NR3C2: variants seen among roughly 807,000 people sequenced by gnomAD.
NR3C2 encodes mineralocorticoid receptor.
In NR3C2, 15 loss-of-function variants were observed where a neutral mutation model predicts 86.4. The observed-to-expected ratio is 0.17, with a 90% CI of 0.12 to 0.27. The LOEUF (loss-of-function observed/expected upper bound fraction) is 0.27, where lower values mean the gene tolerates loss of function less well. Ranked by LOEUF, NR3C2 falls within the 10% of genes least tolerant of loss-of-function variation. NR3C2 has a pLI of 1.00. For missense variants in NR3C2, 960 were observed against 1,195.6 expected, an observed-to-expected ratio of 0.80 and a Z score of 2.91; for synonymous variants, 458 against 450.5, an observed-to-expected ratio of 1.02 and a Z score of -0.21.
At chr4:148,439,767 G>A (rs964498483) in intron 1 of NR3C2, among the ~76,000 whole-genome samples, 15 of 152,302 alleles carry the variant, frequency 9.8e-5, no homozygotes, top group African/African-American at 3.6e-4. Flanking sequence ...CATCTACTAA[G>A]ATTCTGCACT....
chr4:148,157,266 T>A (rs971406501), intron 4 of NR3C2, among the ~76,000 whole-genome samples: 1 of 151,804 alleles, frequency 6.6e-6, no homozygotes, highest in Non-Finnish European at 1.5e-5. Flanking sequence ...GTAACTAACC[T>A]GCACATTGTG....
intron 3 of NR3C2, among the ~76,000 whole-genome samples, chr4:148,255,052 T>G (rs1433499764): frequency 8.7e-6 from 1 of 115,492 alleles, no homozygotes; most frequent in African/African-American, 3.4e-5. Flanking sequence ...GTTCTCTGTT[T>G]TGTGGCACAA....
At chr4:148,191,634 G>T (rs377744083) in intron 4 of NR3C2, among the ~76,000 whole-genome samples, 136 of 152,224 alleles carry the variant, frequency 8.9e-4, no homozygotes, top group African/African-American at 3.1e-3. Flanking sequence ...CTTACGTTTG[G>T]CTATTTAACT....
intron 6 of NR3C2, among the ~76,000 whole-genome samples, chr4:148,142,088 A>C (rs945198055): frequency 6.6e-6 from 1 of 152,204 alleles, no homozygotes; most frequent in Non-Finnish European, 1.5e-5. Context: ...GACCTAGGAA[A>C]GAGAAAGGTT....
intron 6 of NR3C2, among the ~76,000 whole-genome samples, chr4:148,123,704 G>A (rs546002273): frequency 6.6e-6 from 1 of 152,290 alleles, no homozygotes; most frequent in South Asian, 2.1e-4. Flanking sequence ...ACTGGGGGCG[G>A]GTTCCCCCGA....
chr4:148,199,888 A>C (rs1736631596), intron 3 of NR3C2, among the ~76,000 whole-genome samples: 1 of 152,354 alleles, frequency 6.6e-6, no homozygotes, highest in Non-Finnish European at 1.5e-5. Flanking sequence ...TTAAAAGTTA[A>C]AAAAAGATAT....
chr4:148,257,056 C>T (rs1266487970), intron 3 of NR3C2, among the ~76,000 whole-genome samples: 2 of 152,074 alleles, frequency 1.3e-5, no homozygotes, highest in East Asian at 1.9e-4. Flanking sequence ...CTCTTGTCTG[C>T]TCTCTAGGGA....
intron 3 of NR3C2, among the ~76,000 whole-genome samples, chr4:148,195,760 G>A (rs1560971957): frequency 6.6e-6 from 1 of 152,190 alleles, no homozygotes; most frequent in Non-Finnish European, 1.5e-5. Flanking sequence ...AGAGGAAGGT[G>A]AGGGCTGATT....
intron 2 of NR3C2, among the ~76,000 whole-genome samples, chr4:148,317,964 C>T (rs1313252365): frequency 8.0e-5 from 12 of 150,724 alleles, no homozygotes; most frequent in East Asian, 2.0e-4. Flanking sequence ...CATGCTGGTG[C>T]GCTGCACCCA....
At chr4:148,209,296 C>CA (rs1737166536) in intron 3 of NR3C2, among the ~76,000 whole-genome samples, 1 of 151,966 alleles carries the variant, frequency 6.6e-6, no homozygotes, top group African/African-American at 2.4e-5. Flanking sequence ...AACAGGGTCT[C>CA]ATTCTGTTGC....
At chr4:148,294,352 G>A (rs1196836173) in intron 2 of NR3C2, among the ~76,000 whole-genome samples, 1 of 151,952 alleles carries the variant, frequency 6.6e-6, no homozygotes, top group Non-Finnish European at 1.5e-5. Context: ...AGTACTACAT[G>A]GTAGTTCCAT....
At chr4:148,373,693 G>C (rs976765470) in intron 2 of NR3C2, among the ~76,000 whole-genome samples, 1 of 151,844 alleles carries the variant, frequency 6.6e-6, no homozygotes, top group Non-Finnish European at 1.5e-5. Context: ...GGCCAGGATG[G>C]TCTCCATCTC....
chr4:148,412,169 G>A (rs954305025), intron 2 of NR3C2, among the ~76,000 whole-genome samples: 1 of 152,034 alleles, frequency 6.6e-6, no homozygotes, highest in Admixed American at 6.6e-5. Flanking sequence ...ACTGAGACTC[G>A]GTGAACACAA....
intron 8 of NR3C2, among the ~76,000 whole-genome samples, chr4:148,082,672 T>TTTTG (rs1361553471): frequency 1.3e-5 from 2 of 149,622 alleles, no homozygotes; most frequent in Non-Finnish European, 3.0e-5. Flanking sequence ...GCAGTTTTTT[T>TTTTG]TTTTTTTTTT....
chr4:148,409,779 C>A (rs147969851), intron 2 of NR3C2, among the ~76,000 whole-genome samples: 1 of 152,038 alleles, frequency 6.6e-6, no homozygotes, highest in South Asian at 2.1e-4. Context: ...AATAAGTTCA[C>A]GGTACAATGT....
intron 2 of NR3C2, among the ~76,000 whole-genome samples, chr4:148,272,220 T>C (rs965382149): frequency 7.9e-5 from 12 of 152,172 alleles, no homozygotes; most frequent in Non-Finnish European, 1.5e-5. Flanking sequence ...GGAATATTAA[T>C]ATATACATTA....
upstream of NR3C2, chr4:148,445,092 C>G (rs1259646352): frequency 4.1e-6 from 3 of 731,002 alleles, no homozygotes; most frequent in South Asian, 1.8e-4. Context: ...CGCCGGCAGC[C>G]GCCCTCCCAC....
chr4:148,385,327 G>A (rs757644181), intron 2 of NR3C2, among the ~76,000 whole-genome samples: 2 of 152,092 alleles, frequency 1.3e-5, no homozygotes, highest in African/African-American at 2.4e-5. Flanking sequence ...AGACCTTCAA[G>A]GTCAACCCTG....
At chr4:148,314,657 T>G (rs1437529656) in intron 2 of NR3C2, among the ~76,000 whole-genome samples, 1 of 152,154 alleles carries the variant, frequency 6.6e-6, no homozygotes, top group Non-Finnish European at 1.5e-5. Context: ...AAGGATAACT[T>G]CACTTGAAGT....
Sources: allele counts gnomAD v4.1 joint callset (sites outside exome capture counted in the v4.1 genomes callset), GRCh38; gene constraint gnomAD v4.1.1; transcripts MANE v1.5; gene names NCBI Gene and HGNC (gene_info 2026-07-23, HGNC 2026-07-21).